The following CENPP variants were observed in gnomAD, a reference collection of about 807,000 sequenced individuals.
CENPP encodes the protein centromere protein P.
A neutral mutation model predicts 35.6 loss-of-function variants in CENPP; 24 were observed. The ratio of observed to expected loss-of-function variants is 0.67; its 90% confidence interval spans 0.49 to 0.95. CENPP has a LOEUF of 0.95. Among genes scored for constraint, CENPP ranks in the 40% least tolerant of loss-of-function variants. The pLI is 0.00. For missense variants in CENPP, 332 were observed against 345.3 expected (o/e 0.96, Z 0.31); for synonymous variants, 120 against 125.5 (o/e 0.96, Z 0.29).
intron 4 of CENPP, among the ~76,000 whole-genome samples, chr9:92,376,706 A>G (rs72752431): frequency 0.031 from 4,678 of 152,256 alleles, 113 homozygotes; most frequent in South Asian, 0.084. Context: ...GGCCAGCGCC[A>G]TGTTGCCTGC....
chr9:92,549,708 A>G (rs552983570), intron 5 of CENPP, among the ~76,000 whole-genome samples: 173 of 152,018 alleles, frequency 1.1e-3, no homozygotes, highest in African/African-American at 3.9e-3. Flanking sequence ...TTGCCAAAGG[A>G]ATTTCCCAGA....
At chr9:92,603,032 G>A (rs956730379) in intron 5 of CENPP, among the ~76,000 whole-genome samples, 3 of 152,044 alleles carry the variant, frequency 2.0e-5, no homozygotes, top group African/African-American at 4.8e-5. Flanking sequence ...CTCGTGATCC[G>A]CTCGCCTTGG....
chr9:92,541,959 A>G (rs1257516610), intron 5 of CENPP, among the ~76,000 whole-genome samples: 1 of 152,012 alleles, frequency 6.6e-6, no homozygotes, highest in Non-Finnish European at 1.5e-5. Flanking sequence ...GCACCCAGCT[A>G]ATTTTTGTAT....
chr9:92,483,998 A>T (rs1278886784), intron 5 of CENPP, among the ~76,000 whole-genome samples: 1 of 152,180 alleles, frequency 6.6e-6, no homozygotes, highest in Non-Finnish European at 1.5e-5. Flanking sequence ...TGTATCTGTT[A>T]ACTGGATGAA....
At chr9:92,578,651 G>GT (rs1368090622) in intron 5 of CENPP, among the ~76,000 whole-genome samples, 2 of 151,996 alleles carry the variant, frequency 1.3e-5, no homozygotes, top group South Asian at 2.1e-4. Context: ...GGGGTTGTTT[G>GT]TTTTTTTCTT....
chr9:92,603,580 C>T (rs1423252429), intron 5 of CENPP, among the ~76,000 whole-genome samples: 2 of 152,102 alleles, frequency 1.3e-5, no homozygotes, highest in African/African-American at 2.4e-5. Context: ...CCCTCCTCAG[C>T]GATCCCTGTG....
intron 2 of CENPP, among the ~76,000 whole-genome samples, chr9:92,333,842 C>T (rs183973976): frequency 6.6e-6 from 1 of 152,110 alleles, no homozygotes; most frequent in East Asian, 1.9e-4. Context: ...ATTAGTTGGG[C>T]AGACACAGTT....
At chr9:92,329,619 T>C (rs570508225) in intron 1 of CENPP, among the ~76,000 whole-genome samples, 1 of 152,186 alleles carries the variant, frequency 6.6e-6, no homozygotes, top group African/African-American at 2.4e-5. Flanking sequence ...ACTGCAACCT[T>C]CACCCACCTC....
At chr9:92,479,563 A>G (rs1472179809) in intron 5 of CENPP, among the ~76,000 whole-genome samples, 3 of 152,180 alleles carry the variant, frequency 2.0e-5, no homozygotes, top group Admixed American at 6.5e-5. Context: ...CCCTGCTTGA[A>G]TAGCTCCAGG....
rs946052132 is a variant in CENPP, at chr9:92,476,835, A to C, written c.564+96976A>C. Among the ~76,000 whole-genome samples the C allele has an allele frequency of 3.3e-5, 5 of 151,702 alleles. No homozygotes were observed. The highest frequency in any genetic ancestry group is 1.2e-4 in the African/African-American group (5 of 41,236). The stretch of plus-strand genomic sequence containing the variant: ...CCAGAGCTAGGGCTCATGTGTCCCA[A>C]CTCCCTGTTCTGTGCTGCCTTCTGC... On this transcript the variant is annotated intron_variant, in intron 5 of 7. Transcript: ENST00000375587. The surrounding 1 kb of genome is among the most constrained non-coding windows in gnomAD (Gnocchi z 4.1).
chr9:92,572,550 TC>T (rs1297589327), intron 5 of CENPP, among the ~76,000 whole-genome samples: 1 of 152,238 alleles, frequency 6.6e-6, no homozygotes, highest in East Asian at 1.9e-4. Flanking sequence ...CTTTGGTGAA[TC>T]TGACAATTAT....
chr9:92,601,418 G>A (rs772923622), intron 5 of CENPP, among the ~76,000 whole-genome samples: 22 of 152,284 alleles, frequency 1.4e-4, no homozygotes, highest in Non-Finnish European at 2.4e-4. Flanking sequence ...AGCTTCTGGT[G>A]CTGCCGGCGG....
chr9:92,535,228 A>G (rs1044883520), intron 5 of CENPP, among the ~76,000 whole-genome samples: 11 of 152,210 alleles, frequency 7.2e-5, no homozygotes, highest in South Asian at 2.1e-4. Context: ...GTTTAAATAC[A>G]TTTTAGGAAA....
At chr9:92,345,549 G>A in intron 3 of CENPP, 150 bp from the exon 4 acceptor site, 1 of 561,878 alleles carries the variant, frequency 1.8e-6, no homozygotes, top group South Asian at 2.2e-5. Context: ...TATTATTAGT[G>A]AGATTGAACT....
intron 5 of CENPP, among the ~76,000 whole-genome samples, chr9:92,468,635 C>T (rs1845400715): frequency 6.6e-6 from 1 of 152,092 alleles, no homozygotes; most frequent in South Asian, 2.1e-4. Flanking sequence ...AAGACAGGTA[C>T]CATATAAGGT....
At chr9:92,571,703 C>G (rs369307910) in intron 5 of CENPP, among the ~76,000 whole-genome samples, 8 of 152,150 alleles carry the variant, frequency 5.3e-5, no homozygotes, top group East Asian at 1.9e-4. Context: ...CATTATTATT[C>G]TGTGGGAGTC....
At chr9:92,364,785 T>C (rs1435520201) in intron 4 of CENPP, among the ~76,000 whole-genome samples, 1 of 152,204 alleles carries the variant, frequency 6.6e-6, no homozygotes, top group African/African-American at 2.4e-5. Flanking sequence ...ACAAAACCAA[T>C]GATACATGGT....
chr9:92,586,600 G>C (rs1850547591), intron 5 of CENPP, among the ~76,000 whole-genome samples: 1 of 152,194 alleles, frequency 6.6e-6, no homozygotes, highest in South Asian at 2.1e-4. Flanking sequence ...CAAGTAAGGG[G>C]TGAGGGCTAA....
Position 92,336,693 on chromosome 9 carries a change from A to G in CENPP, c.290-848A>G, listed in dbSNP as rs1840940963. ...GGTAGGGAATAGCCTGGGAAAGGAT[A>G]TGAGGGAACCTTATAGGTTCTGTAA... On this transcript the variant is annotated intron_variant, in intron 2 of 7. Transcript: ENST00000375587. 2.6e-5 allele frequency among the ~76,000 whole-genome samples: 4 copies of G among 152,324 alleles called. No homozygotes were observed. The South Asian group carries it at 8.3e-4, about 32-fold the overall frequency.
Sources: gnomAD v4.1 joint callset for allele counts (sites outside exome capture counted in the v4.1 genomes callset) on GRCh38, gnomAD v4.1.1 for gene constraint, Gnocchi (gnomAD v3.1) non-coding constraint, MANE v1.5 for transcripts, NCBI Gene and HGNC (gene_info 2026-07-23, HGNC 2026-07-21) for gene names.